Variants in EDEM1 observed in about 807,000 individuals in gnomAD.
EDEM1 encodes the protein ER degradation enhancing alpha-mannosidase like protein 1.
A neutral mutation model predicts 74.4 loss-of-function variants in EDEM1; 67 were observed. That is an observed-to-expected ratio of 0.90 (90% CI 0.74 to 1.10). The LOEUF is 1.10. Ranked by LOEUF, EDEM1 falls within the 50% of genes least tolerant of loss-of-function variation. EDEM1 has a pLI of 0.00. For synonymous variants in EDEM1, 382 were observed against 335.9 expected (o/e 1.14, Z -1.50); for missense variants, 926 against 851.6 (o/e 1.09, Z -1.09).
At chr3:5,197,437 A>G (rs957205642) in intron 2 of EDEM1, among the ~76,000 whole-genome samples, 2 of 152,210 alleles carry the variant, frequency 1.3e-5, no homozygotes, top group South Asian at 4.1e-4. Flanking sequence ...ATTTCAGAAC[A>G]TAGTCACTCA....
chr3:5,203,826 G>A (rs568993907), intron 5 of EDEM1, among the ~76,000 whole-genome samples: 13 of 152,200 alleles, frequency 8.5e-5, no homozygotes, highest in East Asian at 1.9e-4. Flanking sequence ...TCCACTTGCC[G>A]GGTTCAGTGA....
rs141040259 is a variant in EDEM1, at chr3:5,213,627, A to T, written c.1884+105A>T. 9 of 1,149,544 alleles carry T rather than the reference A, an allele frequency of 7.8e-6. No individual in the cohort carries two copies. In the African/African-American group the frequency reaches 9.3e-5, roughly 12 times the overall value. 71.2% of individuals were successfully genotyped at this position (1,149,544 alleles called of 1,614,324 possible). The stretch of plus-strand genomic sequence containing the variant: ...GACAGAAAATTGATGGTGTATGCAG[A>T]TTGGGAGATTTGAAAACACCTCCTA... On this transcript the variant is annotated intron_variant, in intron 11 of 11. Coordinates refer to ENST00000256497, the MANE Select transcript of EDEM1 (RefSeq NM_014674.3).
At position 5,193,618 on chromosome 3, in the gene EDEM1, A is replaced by G. The variant is rs560200858; in HGVS notation, c.510-1591A>G. On this transcript the variant is annotated intron_variant, in intron 1 of 11. Coordinates refer to ENST00000256497, the MANE Select transcript of EDEM1 (RefSeq NM_014674.3). ...ATCTAAAATTTTTTTTTTTTTTGAGACAGAGTTTCGCTCTTGTTGCCCAGG... is the reference window on the plus strand; with the variant it reads ...ATCTAAAATTTTTTTTTTTTTTGAGGCAGAGTTTCGCTCTTGTTGCCCAGG... Among the ~76,000 whole-genome samples, 14 of 150,810 alleles carry G rather than the reference A, an allele frequency of 9.3e-5. No individual in the cohort carries two copies. The East Asian group carries it at 2.7e-3, about 29-fold the overall frequency.
At chr3:5,188,946 A>G (rs1487272519) in intron 1 of EDEM1, among the ~76,000 whole-genome samples, 1 of 152,140 alleles carries the variant, frequency 6.6e-6, no homozygotes, top group Non-Finnish European at 1.5e-5. Flanking sequence ...CAGATACTTG[A>G]GGTGAAATTC....
Position 5,216,092 on chromosome 3 carries a change from C to T in EDEM1, c.*174C>T, listed in dbSNP as rs1395939130. On this transcript the variant is annotated 3_prime_UTR_variant, in exon 12 of 12. Transcript: ENST00000256497. ...AATCCTTGCACACTTCAGTGTTTCT[C>T]TCCTGTTCAATAAAATGCCCTGTTA... is the stretch of plus-strand genomic sequence containing the variant. 5 of 562,106 alleles carry T rather than the reference C, an allele frequency of 8.9e-6. No individual in the cohort carries two copies. Among genetic ancestry groups the T allele is most frequent in the Non-Finnish European group, 1.5e-5 (5 of 323,832 alleles). 34.8% of individuals were successfully genotyped at this position (562,106 alleles called of 1,614,324 possible).
At chr3:5,196,954 G>A (rs2054976313) in intron 2 of EDEM1, among the ~76,000 whole-genome samples, 1 of 144,160 alleles carries the variant, frequency 6.9e-6, no homozygotes, top group South Asian at 2.1e-4. Context: ...TTTTTTGAGA[G>A]AGTCTCGCTC....
intron 3 of EDEM1, among the ~76,000 whole-genome samples, chr3:5,200,898 A>AT (rs376272520): frequency 3.8e-4 from 57 of 148,390 alleles, no homozygotes; most frequent in East Asian, 9.8e-4. Flanking sequence ...ATTAAATTAA[A>AT]TTTTTTTTTT....
intron 1 of EDEM1, among the ~76,000 whole-genome samples, chr3:5,192,061 T>A (rs2054908555): frequency 2.0e-5 from 3 of 152,256 alleles, no homozygotes; most frequent in Non-Finnish European, 4.4e-5. Context: ...TCTGCATTCC[T>A]CTTTCTTTGG....
chr3:5,208,079 T>G lies in EDEM1; in HGVS notation c.1339-14T>G. 6.3e-7 allele frequency: 1 copy of G among 1,585,428 alleles called. No individual in the cohort carries two copies. The highest frequency in any genetic ancestry group is 8.6e-7 in the Non-Finnish European group (1 of 1,169,424). On this transcript the variant is annotated splice_polypyrimidine_tract_variant and intron_variant, in intron 7 of 11. Transcript: ENST00000256497. ...AATGGTATCTCAGCCTGATGACCTG[T>G]GTCCTCTCCTTAGGTGCTGATAGGA...
At position 5,215,831 on chromosome 3, in the gene EDEM1, C is replaced by T; in HGVS notation, c.1887C>T (p.Cys629=). ...TTCCCTCGTTTTTGTCTTTCTAGTG[C>T]AATCGTGTACCTGATGAGAGGAGGT... ...ELKVINSSSN[C]NRVPDERRYS... Residue 629 remains cysteine (C), a splice_region_variant and synonymous_variant, in exon 12 of 12, where the codon TGC becomes TGT. Coordinates refer to ENST00000256497, the MANE Select transcript of EDEM1 (RefSeq NM_014674.3). 6.2e-7 allele frequency: 1 copy of T among 1,612,766 alleles called. No homozygotes were observed. Among genetic ancestry groups the T allele is most frequent in the Non-Finnish European group, 8.5e-7 (1 of 1,179,358 alleles).
intron 1 of EDEM1, among the ~76,000 whole-genome samples, chr3:5,190,908 A>G (rs2106585318): frequency 6.6e-6 from 1 of 152,232 alleles, no homozygotes; most frequent in African/African-American, 2.4e-5. Context: ...TTTTGAGGAT[A>G]CACAGTAGGT....
intron 5 of EDEM1, among the ~76,000 whole-genome samples, chr3:5,203,652 A>G (rs1466347295): frequency 6.6e-6 from 1 of 152,162 alleles, no homozygotes; most frequent in Non-Finnish European, 1.5e-5. Context: ...GTAGAGAGAA[A>G]GTATGATGAA....
intron 7 of EDEM1, among the ~76,000 whole-genome samples, chr3:5,207,652 G>A (rs1398672068): frequency 6.6e-6 from 1 of 152,068 alleles, no homozygotes; most frequent in Non-Finnish European, 1.5e-5. Flanking sequence ...GATTACAGGC[G>A]CCTGCCACCA....
chr3:5,208,355 G>A (rs2055125222), intron 8 of EDEM1, 92 bp downstream of exon 8: 1 of 1,469,130 alleles, frequency 6.8e-7, no homozygotes, highest in African/African-American at 1.4e-5. Flanking sequence ...GTGATTTAGG[G>A]TTATGTTGTT....
intron 3 of EDEM1, among the ~76,000 whole-genome samples, chr3:5,200,521 T>G (rs558643461): frequency 1.3e-5 from 2 of 152,368 alleles, no homozygotes; most frequent in South Asian, 4.1e-4. Context: ...CCTAGTATAT[T>G]GTATATTGCT....
Position 5,188,162 on chromosome 3 carries a change from C to CG in EDEM1, c.359dup (p.Ala121ArgfsTer57), listed in dbSNP as rs1559291373. The CG allele has an allele frequency of 6.5e-7, 1 of 1,547,688 alleles. No individual in the cohort carries two copies. The highest frequency in any genetic ancestry group is 1.2e-5 in the South Asian group (1 of 83,312). ...CGGACGAGTACGAGAAGCGCTACAG[C>CG]GGCGCCTTCCCTCCGCAGCTGCGTG... On this transcript the variant is annotated frameshift_variant, in exon 1 of 12. Transcript: ENST00000256497. LOFTEE classifies it high-confidence loss of function.
chr3:5,200,248 G>A (rs1045345561), intron 3 of EDEM1, among the ~76,000 whole-genome samples: 2 of 152,138 alleles, frequency 1.3e-5, no homozygotes, highest in African/African-American at 4.8e-5. Context: ...ATGTTTTAAC[G>A]GGGGTGTAAA....
chr3:5,213,850 G>A (rs533578945), intron 11 of EDEM1, among the ~76,000 whole-genome samples: 12 of 152,224 alleles, frequency 7.9e-5, no homozygotes, highest in South Asian at 4.2e-4. Context: ...GGAGGGAGCC[G>A]GCAGAGTCAA....
intron 2 of EDEM1, among the ~76,000 whole-genome samples, chr3:5,197,237 C>T (rs945758472): frequency 6.6e-6 from 1 of 152,048 alleles, no homozygotes; most frequent in African/African-American, 2.4e-5. Context: ...ACACAGATTC[C>T]AAAGATACTT....
Sources: gnomAD v4.1 joint callset for allele counts (sites outside exome capture counted in the v4.1 genomes callset) on GRCh38, gnomAD v4.1.1 for gene constraint, MANE v1.5 for transcripts, NCBI Gene and HGNC (gene_info 2026-07-23, HGNC 2026-07-21) for gene names.